The following PEX14 variants were observed in gnomAD, a reference collection of about 807,000 sequenced individuals.
PEX14 encodes the protein peroxisomal membrane protein PEX14.
PEX14 carries 15 observed loss-of-function variants against 49.5 expected under a neutral mutation model. The observed-to-expected ratio is 0.30, with a 90% CI of 0.20 to 0.47. The LOEUF (loss-of-function observed/expected upper bound fraction) is 0.47, where lower values mean the gene tolerates loss of function less well. Ranked by LOEUF, PEX14 falls within the 20% of genes least tolerant of loss-of-function variation. PEX14 has a pLI of 1.00. For missense variants in PEX14, 398 were observed against 494.8 expected (o/e 0.80, Z 1.86); for synonymous variants, 210 against 212.7 (o/e 0.99, Z 0.11).
At chr1:10,492,661 C>T (rs4846228) in intron 1 of PEX14, among the ~76,000 whole-genome samples, 22,266 of 152,116 alleles carry the variant, frequency 0.15, 2,017 homozygotes, top group South Asian at 0.3. Context: ...AGATAATGAA[C>T]GGAAGAATCT....
At position 10,629,765 on chromosome 1, in the gene PEX14, C is replaced by T. The variant is rs1202283239; in HGVS notation, c.912C>T (p.Asp304=). The T allele has an allele frequency of 1.1e-5, 17 of 1,583,438 alleles. No homozygotes were observed. The highest frequency in any genetic ancestry group is 4.0e-5 in the African/African-American group (3 of 74,216). The part of the protein sequence containing the change: ...GPQEEGEGVV[D]VKGQVRMEVQ... ...AGGAGGAAGGCGAGGGGGTGGTGGACGTCAAGGGCCAGGTGCGGATGGAGG... is the reference window on the plus strand; with the variant it reads ...AGGAGGAAGGCGAGGGGGTGGTGGATGTCAAGGGCCAGGTGCGGATGGAGG... The change falls in exon 9 of 9, where the codon GAC becomes GAT. Residue 304 remains aspartate (D), a synonymous_variant. Coordinates refer to ENST00000356607, the MANE Select transcript of PEX14 (RefSeq NM_004565.3). The surrounding 1 kb of genome is among the most constrained non-coding windows in gnomAD (Gnocchi z 8.5).
At chr1:10,579,760 A>G (rs1640257421) in intron 3 of PEX14, among the ~76,000 whole-genome samples, 2 of 151,966 alleles carry the variant, frequency 1.3e-5, no homozygotes, top group Admixed American at 1.3e-4. Context: ...AGTGAGGACA[A>G]CCAGATGTTA....
intron 2 of PEX14, among the ~76,000 whole-genome samples, chr1:10,504,581 A>G (rs1641746600): frequency 6.6e-6 from 1 of 152,158 alleles, no homozygotes; most frequent in Non-Finnish European, 1.5e-5. Flanking sequence ...TGTGTCTGCC[A>G]AGAGGCCTTT....
At chr1:10,557,754 T>G (rs1639534805) in intron 3 of PEX14, among the ~76,000 whole-genome samples, 1 of 152,142 alleles carries the variant, frequency 6.6e-6, no homozygotes. Context: ...ACTTCCACAT[T>G]GTCAAGTTCA....
At chr1:10,484,716 T>C (rs1239158718) in intron 1 of PEX14, among the ~76,000 whole-genome samples, 1 of 151,626 alleles carries the variant, frequency 6.6e-6, no homozygotes, top group Non-Finnish European at 1.5e-5. Flanking sequence ...GTCAGGACTG[T>C]GGTCGCTGAC....
chr1:10,554,303 CAA>C (rs61712771), intron 3 of PEX14, among the ~76,000 whole-genome samples: 2 of 121,830 alleles, frequency 1.6e-5, no homozygotes, highest in Non-Finnish European at 1.7e-5. Flanking sequence ...GACTCCGTCT[CAA>C]AAAAAAAAAA....
At chr1:10,538,708 G>C (rs1638912002) in intron 3 of PEX14, among the ~76,000 whole-genome samples, 1 of 152,240 alleles carries the variant, frequency 6.6e-6, no homozygotes, top group African/African-American at 2.4e-5. Flanking sequence ...TGGGGATGAG[G>C]GTGAACATCT....
chr1:10,594,064 A>G (rs1396197750), intron 3 of PEX14, among the ~76,000 whole-genome samples: 3 of 152,228 alleles, frequency 2.0e-5, no homozygotes, highest in Admixed American at 2.0e-4. Context: ...ATGTTTAAAA[A>G]ATTCAATTTT....
intron 1 of PEX14, among the ~76,000 whole-genome samples, chr1:10,489,228 G>A (rs58718134): frequency 0.075 from 11,368 of 151,992 alleles, 1,410 homozygotes; most frequent in African/African-American, 0.26. Context: ...TGATCCGCCC[G>A]CCTCAGCCTC....
intron 3 of PEX14, among the ~76,000 whole-genome samples, chr1:10,555,126 A>T (rs904580492): frequency 2.6e-5 from 4 of 151,352 alleles, no homozygotes; most frequent in African/African-American, 9.7e-5. Context: ...GACTGACCCT[A>T]CCCCCCAATA....
intron 2 of PEX14, among the ~76,000 whole-genome samples, chr1:10,526,558 T>G (rs1638489788): frequency 6.6e-6 from 1 of 152,180 alleles, no homozygotes; most frequent in Non-Finnish European, 1.5e-5. Flanking sequence ...CTTTAGTTTT[T>G]TTGTTTAGGC....
intron 2 of PEX14, among the ~76,000 whole-genome samples, chr1:10,527,561 T>C (rs1439443654): frequency 6.6e-6 from 1 of 151,990 alleles, no homozygotes; most frequent in African/African-American, 2.4e-5. Flanking sequence ...TTGAACTCAT[T>C]CTAGGCTATG....
intron 2 of PEX14, among the ~76,000 whole-genome samples, chr1:10,521,250 C>G (rs1448979031): frequency 6.6e-6 from 1 of 151,728 alleles, no homozygotes; most frequent in East Asian, 1.9e-4. Flanking sequence ...CTAACCTTCT[C>G]TTTCTCCTTT....
intron 3 of PEX14, among the ~76,000 whole-genome samples, chr1:10,598,429 C>T (rs926005180): frequency 6.8e-4 from 103 of 152,196 alleles, no homozygotes; most frequent in African/African-American, 1.9e-3. Context: ...ACTGGAAATG[C>T]GGCCTTCATG....
rs952567356 is a variant in PEX14 at position 10,537,845 on chromosome 1, G to T, written c.169+1548G>T. 4.6e-5 allele frequency among the ~76,000 whole-genome samples: 7 copies of T among 151,900 alleles called. No homozygotes were observed. The East Asian group carries it at 1.3e-3, about 29-fold the overall frequency. ...TTTTAATAAATCCCTGACTGGGAGAGGGAGTGAAAAAAAAAAGAGAGAGAG... is the reference window on the plus strand; with the variant it reads ...TTTTAATAAATCCCTGACTGGGAGATGGAGTGAAAAAAAAAAGAGAGAGAG... On this transcript the variant is annotated intron_variant, in intron 3 of 8. Transcript: ENST00000356607.
chr1:10,573,368 G>T (rs562267137), intron 3 of PEX14, among the ~76,000 whole-genome samples: 1 of 152,106 alleles, frequency 6.6e-6, no homozygotes, highest in African/African-American at 2.4e-5. Context: ...AGGCCAAAGC[G>T]GAGGATTGTT....
chr1:10,481,142 T>TC (rs1229024202), intron 1 of PEX14, among the ~76,000 whole-genome samples: 1 of 148,930 alleles, frequency 6.7e-6, no homozygotes, highest in African/African-American at 2.5e-5. Context: ...TTTCCTTCCT[T>TC]TTTTTTTTTG....
At chr1:10,487,294 C>T (rs979736883) in intron 1 of PEX14, among the ~76,000 whole-genome samples, 2 of 147,136 alleles carry the variant, frequency 1.4e-5, no homozygotes, top group African/African-American at 5.0e-5. Context: ...GTTTTTATGT[C>T]AAGATAGTAC....
At chr1:10,584,621 G>A (rs901699593) in intron 3 of PEX14, among the ~76,000 whole-genome samples, 1 of 152,182 alleles carries the variant, frequency 6.6e-6, no homozygotes, top group South Asian at 2.1e-4. Flanking sequence ...AAGAACCTGG[G>A]TGAAAGATAT....
Sources: allele counts gnomAD v4.1 joint callset (sites outside exome capture counted in the v4.1 genomes callset), GRCh38; gene constraint gnomAD v4.1.1; non-coding constraint Gnocchi (gnomAD v3.1); transcripts MANE v1.5; gene names NCBI Gene and HGNC (gene_info 2026-07-23, HGNC 2026-07-21).